The following CCDC7 variants were observed in gnomAD, a reference collection of about 807,000 sequenced individuals.
CCDC7 encodes the protein coiled-coil domain-containing protein 7.
In CCDC7, 183 loss-of-function variants were observed where a neutral mutation model predicts 196.9. That is an observed-to-expected ratio of 0.93 (90% CI 0.82 to 1.05). The LOEUF is 1.05. CCDC7 is among the 50% of genes least tolerant of loss of function. The pLI, the probability that CCDC7 is intolerant of heterozygous loss-of-function variation, is 0.00. For missense variants in CCDC7, 1,540 were observed against 1,482.2 expected (o/e 1.04, Z -0.64); for synonymous variants, 525 against 484.6 (o/e 1.08, Z -1.10).
intron 33 of CCDC7, among the ~76,000 whole-genome samples, chr10:32,840,111 CA>C (rs2136074737): frequency 6.8e-6 from 1 of 147,080 alleles, no homozygotes; most frequent in East Asian, 1.9e-4. Flanking sequence ...GAAACAAGAA[CA>C]ATCCAAACCC....
At chr10:32,620,833 C>G (rs971878774) in intron 18 of CCDC7, among the ~76,000 whole-genome samples, 3 of 152,170 alleles carry the variant, frequency 2.0e-5, no homozygotes. Flanking sequence ...TTACTACTTT[C>G]AGCAGTGCAA....
At chr10:32,535,165 A>C (rs1267829359) in intron 11 of CCDC7, among the ~76,000 whole-genome samples, 1 of 151,354 alleles carries the variant, frequency 6.6e-6, no homozygotes, top group African/African-American at 2.4e-5. Context: ...TCCCATCCTT[A>C]TATTTATGTT....
At chr10:32,688,949 C>T in intron 22 of CCDC7, 104 bp from the exon 24 acceptor site, 1 of 729,230 alleles carries the variant, frequency 1.4e-6, no homozygotes, top group Non-Finnish European at 2.3e-6. Flanking sequence ...CATAACTTTA[C>T]AAAAATGAGA....
intron 2 of CCDC7, among the ~76,000 whole-genome samples, chr10:32,455,316 T>C (rs1406499876): frequency 6.6e-6 from 1 of 151,478 alleles, no homozygotes; most frequent in African/African-American, 2.4e-5. Context: ...TTTATTTTAT[T>C]TTATTTTTAT....
intron 4 of CCDC7, 87 bp from the exon 6 acceptor site, chr10:32,462,930 G>C (rs1327026679): frequency 3.2e-6 from 5 of 1,563,780 alleles, no homozygotes; most frequent in Non-Finnish European, 4.4e-6. Flanking sequence ...CAGAGACACA[G>C]ACACACATTT....
At chr10:32,533,246 AACACACACAC>A (rs58119017) in intron 11 of CCDC7, among the ~76,000 whole-genome samples, 1 of 144,516 alleles carries the variant, frequency 6.9e-6, no homozygotes, top group African/African-American at 2.5e-5. Context: ...AAACAAAGGA[AACACACACAC>A]ACACACACAC....
intron 11 of CCDC7, among the ~76,000 whole-genome samples, chr10:32,536,232 C>A (rs2050474016): frequency 6.6e-6 from 1 of 152,048 alleles, no homozygotes; most frequent in East Asian, 1.9e-4. Context: ...TTTCTCCCTT[C>A]CAGGAAGAAA....
intron 25 of CCDC7, among the ~76,000 whole-genome samples, chr10:32,724,463 T>G (rs1171086387): frequency 6.6e-6 from 1 of 151,882 alleles, no homozygotes; most frequent in Non-Finnish European, 1.5e-5. Context: ...TGTGATAACA[T>G]AAGCAAGAGT....
intron 21 of CCDC7, among the ~76,000 whole-genome samples, chr10:32,673,254 A>C (rs2074358744): frequency 6.6e-6 from 1 of 152,002 alleles, no homozygotes; most frequent in Non-Finnish European, 1.5e-5. Context: ...TTCTTGCTCC[A>C]GATTGCTTTG....
intron 2 of CCDC7, among the ~76,000 whole-genome samples, chr10:32,454,804 C>G (rs2033940550): frequency 6.6e-6 from 1 of 152,146 alleles, no homozygotes; most frequent in South Asian, 2.1e-4. Flanking sequence ...TTTCAGTCAT[C>G]CTAATCTGTG....
intron 13 of CCDC7, among the ~76,000 whole-genome samples, chr10:32,557,361 A>C (rs1267706400): frequency 6.6e-6 from 1 of 151,678 alleles, no homozygotes; most frequent in African/African-American, 2.4e-5. Flanking sequence ...CTTGGGCAGC[A>C]CTGAACATGT....
chr10:32,588,805 A>G (rs1301852020), intron 18 of CCDC7, among the ~76,000 whole-genome samples: 2 of 151,804 alleles, frequency 1.3e-5, no homozygotes, highest in Admixed American at 1.3e-4. Flanking sequence ...CGTTATGATT[A>G]CCGGTTCAAT....
At chr10:32,625,235 A>G in intron 18 of CCDC7, among the ~76,000 whole-genome samples, 1 of 151,098 alleles carries the variant, frequency 6.6e-6, no homozygotes, top group Admixed American at 6.6e-5. Flanking sequence ...TGGATATCCA[A>G]TTTTCTCAAC....
chr10:32,481,102 G>T (rs548205929), intron 8 of CCDC7, among the ~76,000 whole-genome samples: 1 of 152,028 alleles, frequency 6.6e-6, no homozygotes. Context: ...TTTGTCTCTT[G>T]TGACTGTTTT....
intron 23 of CCDC7, among the ~76,000 whole-genome samples, chr10:32,690,668 T>C (rs1055981636): frequency 1.3e-5 from 2 of 152,200 alleles, no homozygotes; most frequent in African/African-American, 4.8e-5. Flanking sequence ...ACAACAGCCT[T>C]TCTGTTTCTT....
chr10:32,557,060 T>C (rs1321718832), intron 13 of CCDC7, among the ~76,000 whole-genome samples: 1 of 152,256 alleles, frequency 6.6e-6, no homozygotes, highest in Admixed American at 6.5e-5. Context: ...TTATAGATGC[T>C]GTGTTCTCTC....
chr10:32,565,281 T>G (rs2056595344), intron 13 of CCDC7, among the ~76,000 whole-genome samples: 1 of 152,220 alleles, frequency 6.6e-6, no homozygotes, highest in African/African-American at 2.4e-5. Context: ...AAATTCTTCT[T>G]TTTAAATATT....
intron 32 of CCDC7, among the ~76,000 whole-genome samples, chr10:32,827,022 TG>T (rs1404969401): frequency 1.3e-5 from 2 of 152,196 alleles, no homozygotes; most frequent in African/African-American, 4.8e-5. Flanking sequence ...GGTCAAAAAC[TG>T]TGAAGATATT....
chr10:32,642,456 G>A (rs370066606), intron 20 of CCDC7, among the ~76,000 whole-genome samples: 2 of 152,220 alleles, frequency 1.3e-5, no homozygotes, highest in Non-Finnish European at 2.9e-5. Context: ...AGCCAGGTGC[G>A]GGATATAATC....
Sources: allele counts gnomAD v4.1 joint callset (sites outside exome capture counted in the v4.1 genomes callset), GRCh38; gene constraint gnomAD v4.1.1; transcripts MANE v1.5; gene names NCBI Gene and HGNC (gene_info 2026-07-23, HGNC 2026-07-21).